Variants in DOCK5 observed in about 807,000 individuals in gnomAD.
DOCK5 encodes dedicator of cytokinesis 5, also known as dedicator of cytokinesis protein 5.
A neutral mutation model predicts 251.8 loss-of-function variants in DOCK5; 142 were observed. That is an observed-to-expected ratio of 0.56 (90% CI 0.49 to 0.65). DOCK5 has a LOEUF of 0.65. Among genes scored for constraint, DOCK5 ranks in the 30% least tolerant of loss-of-function variants. The pLI is 0.00. For missense variants in DOCK5, 2,111 were observed against 2,312.3 expected, an observed-to-expected ratio of 0.91 and a Z score of 1.79; for synonymous variants, 842 against 835.5, an observed-to-expected ratio of 1.01 and a Z score of -0.13.
In DOCK5 at chr8:25,334,233, C is replaced by A. The variant is rs1426260300; in HGVS notation, c.2192+37C>A. The A allele has an allele frequency of 2.0e-6, 3 of 1,533,000 alleles. No homozygotes were observed. In the Admixed American group the frequency reaches 5.0e-5, roughly 26 times the overall value. The allele number at this position is 1,533,000 out of a possible 1,614,324, so 95.0% of individuals were successfully genotyped here. On this transcript the variant is annotated intron_variant, in intron 21 of 51. Transcript: ENST00000276440. ...CTGAAGGAACTACATGTTGTTGGATCTTTGGATTTGTACTCTTAGGACTGG... is the reference window on the plus strand; with the variant it reads ...CTGAAGGAACTACATGTTGTTGGATATTTGGATTTGTACTCTTAGGACTGG...
At chr8:25,410,939 A>AAT (rs1554513012) in intron 51 of DOCK5, among the ~76,000 whole-genome samples, 2 of 102,062 alleles carry the variant, frequency 2.0e-5, no homozygotes, top group African/African-American at 6.6e-5. Flanking sequence ...GAGAGAGAAA[A>AAT]TGTGTGTGTG....
At chr8:25,218,493 C>T (rs752572930) in intron 1 of DOCK5, among the ~76,000 whole-genome samples, 4 of 152,192 alleles carry the variant, frequency 2.6e-5, no homozygotes, top group Non-Finnish European at 4.4e-5. Flanking sequence ...GGTCCAGGGA[C>T]AGCTGGATTG....
chr8:25,260,884 C>T (rs1803559815), intron 2 of DOCK5, among the ~76,000 whole-genome samples: 1 of 151,904 alleles, frequency 6.6e-6, no homozygotes, highest in Non-Finnish European at 1.5e-5. Context: ...CAGCCTCCAA[C>T]TTCTGGGCTC....
chr8:25,334,302 G>T, intron 21 of DOCK5, 106 bp downstream of exon 21: 2 of 865,766 alleles, frequency 2.3e-6, no homozygotes, highest in South Asian at 1.5e-5. Flanking sequence ...CAGTAAATAC[G>T]CCTGTTAAGG....
At chr8:25,368,050 T>C in intron 31 of DOCK5, 142 bp from the exon 32 acceptor site, 1 of 603,844 alleles carries the variant, frequency 1.7e-6, no homozygotes, top group Non-Finnish European at 2.8e-6. Context: ...GGGGGCTCGT[T>C]TAGGTATGAA....
At chr8:25,363,984 A>G (rs534294264) in intron 29 of DOCK5, among the ~76,000 whole-genome samples, 2 of 152,324 alleles carry the variant, frequency 1.3e-5, no homozygotes, top group South Asian at 4.1e-4. Flanking sequence ...TGGGTAATAG[A>G]TGTACATGTT....
At chr8:25,392,762 G>A in intron 43 of DOCK5, 34 bp from the exon 44 acceptor site, 1 of 1,573,506 alleles carries the variant, frequency 6.4e-7, no homozygotes, top group Non-Finnish European at 8.7e-7. Flanking sequence ...CCTGGGAATT[G>A]ACCAACATTT....
At chr8:25,320,281 GA>G (rs1178423685) in intron 15 of DOCK5, among the ~76,000 whole-genome samples, 1 of 151,562 alleles carries the variant, frequency 6.6e-6, no homozygotes, top group Admixed American at 6.6e-5. Context: ...GTTCTTCATA[GA>G]AAAAAAAATT....
intron 11 of DOCK5, 185 bp downstream of exon 11, chr8:25,304,512 G>T (rs1804851061): frequency 3.8e-6 from 2 of 532,564 alleles, no homozygotes; most frequent in East Asian, 6.5e-5. Flanking sequence ...GACTCCCATT[G>T]AAGAGGGTAA....
At chr8:25,248,680 T>C (rs1803186251) in intron 2 of DOCK5, among the ~76,000 whole-genome samples, 2 of 152,136 alleles carry the variant, frequency 1.3e-5, no homozygotes, top group Admixed American at 6.6e-5. Flanking sequence ...TGCCGTGTGG[T>C]TGGCTGAAAA....
intron 12 of DOCK5, 64 bp from the exon 13 acceptor site, chr8:25,310,343 C>G: frequency 6.7e-7 from 1 of 1,487,054 alleles, no homozygotes; most frequent in Non-Finnish European, 9.0e-7. Context: ...TTCTTCTCAC[C>G]AGTTACGCAT....
chr8:25,407,891 C>A, intron 48 of DOCK5, 92 bp from the exon 49 acceptor site: 4 of 1,150,538 alleles, frequency 3.5e-6, no homozygotes, highest in South Asian at 1.8e-5. Context: ...AAAAAATAGC[C>A]TAAAGAGTCA....
At position 25,257,354 on chromosome 8, in the gene DOCK5, T is replaced by G. The variant is rs375892953; in HGVS notation, c.128-11491T>G. Among the ~76,000 whole-genome samples the G allele has an allele frequency of 2.6e-5, 4 of 152,240 alleles. No homozygotes were observed. In the East Asian group the frequency reaches 5.8e-4, roughly 22 times the overall value. On this transcript the variant is annotated intron_variant, in intron 2 of 51. Transcript: ENST00000276440. Reference sequence around the variant, plus strand: ...ATGCTCTTTTAATCAATGTGGAGATTTAGGTTAAGAAACTTGAAGAAATTC... The same window carrying G: ...ATGCTCTTTTAATCAATGTGGAGATGTAGGTTAAGAAACTTGAAGAAATTC...
At chr8:25,374,121 C>G (rs572352082) in intron 36 of DOCK5, among the ~76,000 whole-genome samples, 3 of 152,186 alleles carry the variant, frequency 2.0e-5, no homozygotes, top group African/African-American at 7.2e-5. Flanking sequence ...AGAAGAGAAA[C>G]TAGTCTAGGT....
At chr8:25,400,886 C>G (rs1472980264) in intron 46 of DOCK5, 43 bp from the exon 47 acceptor site, 1 of 1,609,640 alleles carries the variant, frequency 6.2e-7, no homozygotes, top group Non-Finnish European at 8.5e-7. Context: ...AACGATCCCT[C>G]TTCCTGAAGC....
chr8:25,219,753 C>G (rs1802334524), intron 1 of DOCK5, among the ~76,000 whole-genome samples: 3 of 151,842 alleles, frequency 2.0e-5, no homozygotes, highest in Admixed American at 6.6e-5. Context: ...TTTCTGTCCC[C>G]TTCAACTGTG....
chr8:25,306,055 T>C (rs1804914138), intron 11 of DOCK5, among the ~76,000 whole-genome samples: 1 of 152,226 alleles, frequency 6.6e-6, no homozygotes, highest in Admixed American at 6.5e-5. Context: ...AAGTAGTACT[T>C]GTCTCTTTTA....
At chr8:25,260,047 C>T (rs919576535) in intron 2 of DOCK5, among the ~76,000 whole-genome samples, 1 of 152,150 alleles carries the variant, frequency 6.6e-6, no homozygotes, top group African/African-American at 2.4e-5. Context: ...GGGAGAGGTG[C>T]AGCCACTGTC....
chr8:25,316,584 A>G (rs1421868584), intron 13 of DOCK5, among the ~76,000 whole-genome samples: 1 of 152,234 alleles, frequency 6.6e-6, no homozygotes, highest in Non-Finnish European at 1.5e-5. Flanking sequence ...ACATTAATAC[A>G]TATAAGACAT....
Sources: allele counts gnomAD v4.1 joint callset (sites outside exome capture counted in the v4.1 genomes callset), GRCh38; gene constraint gnomAD v4.1.1; transcripts MANE v1.5; gene names NCBI Gene and HGNC (gene_info 2026-07-23, HGNC 2026-07-21).